The following STIM1 variants were observed in gnomAD, a reference collection of about 807,000 sequenced individuals.
The protein encoded by STIM1 is stromal interaction molecule 1.
STIM1 carries 25 observed loss-of-function variants against 74.7 expected under a neutral mutation model. The ratio of observed to expected loss-of-function variants is 0.33; its 90% CI spans 0.24 to 0.47. The LOEUF (loss-of-function observed/expected upper bound fraction) is 0.47, where lower values mean the gene tolerates loss of function less well. STIM1 is among the 20% of genes least tolerant of loss of function. The probability of loss-of-function intolerance (pLI) is 1.00; values close to 1 mark genes in which losing one functional copy is unlikely to be tolerated. For synonymous variants in STIM1, 328 were observed against 348.8 expected, an observed-to-expected ratio of 0.94 and a Z score of 0.66; for missense variants, 728 against 920.8, an observed-to-expected ratio of 0.79 and a Z score of 2.71.
At chr11:3,857,923 C>T (rs2090447932) in intron 1 of STIM1, among the ~76,000 whole-genome samples, 1 of 152,238 alleles carries the variant, frequency 6.6e-6, no homozygotes, top group East Asian at 1.9e-4. Context: ...ATCCTTTTTG[C>T]CTATTAATCC....
intron 2 of STIM1, among the ~76,000 whole-genome samples, chr11:3,971,428 C>T (rs1420497260): frequency 6.6e-6 from 1 of 152,110 alleles, no homozygotes; most frequent in Non-Finnish European, 1.5e-5. Context: ...ACTCTGGAGG[C>T]TGAGGCAGGA....
intron 2 of STIM1, among the ~76,000 whole-genome samples, chr11:4,022,632 G>A (rs2136013659): frequency 6.6e-6 from 1 of 152,234 alleles, no homozygotes; most frequent in East Asian, 1.9e-4. Flanking sequence ...ATTGTGTTGA[G>A]GTATATTCCT....
intron 1 of STIM1, among the ~76,000 whole-genome samples, chr11:3,955,975 A>C (rs895591215): frequency 6.6e-5 from 10 of 151,842 alleles, no homozygotes; most frequent in African/African-American, 4.8e-5. Flanking sequence ...CCCCATAAGC[A>C]GTATGCCCAG....
At chr11:3,870,659 G>A (rs960507420) in intron 1 of STIM1, among the ~76,000 whole-genome samples, 9 of 151,816 alleles carry the variant, frequency 5.9e-5, no homozygotes, top group African/African-American at 1.7e-4. Flanking sequence ...ACCATGCCTG[G>A]CTAGTTTTTA....
At chr11:3,936,312 C>T (rs565841475) in intron 1 of STIM1, among the ~76,000 whole-genome samples, 6 of 152,194 alleles carry the variant, frequency 3.9e-5, no homozygotes, top group Admixed American at 2.0e-4. Context: ...GCCATTGCCT[C>T]TCTTGTCCTA....
At chr11:3,998,746 C>G (rs1228747105) in intron 2 of STIM1, among the ~76,000 whole-genome samples, 1 of 152,024 alleles carries the variant, frequency 6.6e-6, no homozygotes, top group Non-Finnish European at 1.5e-5. Context: ...TGGGAGAGAT[C>G]TAGAAAACTT....
At chr11:3,921,479 A>G (rs1451438979) in intron 1 of STIM1, among the ~76,000 whole-genome samples, 2 of 152,202 alleles carry the variant, frequency 1.3e-5, no homozygotes, top group African/African-American at 4.8e-5. Context: ...GAACATCACC[A>G]TGATATATTA....
intron 2 of STIM1, among the ~76,000 whole-genome samples, chr11:4,015,159 A>G (rs891216800): frequency 6.6e-6 from 1 of 151,986 alleles, no homozygotes; most frequent in African/African-American, 2.4e-5. Context: ...GGTCTTTACA[A>G]TTTGGCATAT....
chr11:3,990,046 C>T (rs952430775), intron 2 of STIM1, among the ~76,000 whole-genome samples: 1 of 152,220 alleles, frequency 6.6e-6, no homozygotes, highest in African/African-American at 2.4e-5. Flanking sequence ...AGCTATTGTT[C>T]TCTCTCCACA....
At chr11:4,069,439 A>G (rs1020942276) in intron 5 of STIM1, among the ~76,000 whole-genome samples, 4 of 152,210 alleles carry the variant, frequency 2.6e-5, no homozygotes, top group Middle Eastern at 6.8e-3. Context: ...ATCCTGTTCT[A>G]GAGTCTCTGG....
At chr11:3,883,366 G>A (rs1030154646) in intron 1 of STIM1, among the ~76,000 whole-genome samples, 1 of 151,842 alleles carries the variant, frequency 6.6e-6, no homozygotes, top group African/African-American at 2.4e-5. Context: ...GTTTGTTTTT[G>A]TTTTTTGAGA....
At chr11:4,033,551 A>G (rs756877974) in intron 3 of STIM1, among the ~76,000 whole-genome samples, 5 of 150,750 alleles carry the variant, frequency 3.3e-5, no homozygotes, top group Non-Finnish European at 5.9e-5. Context: ...TTTCTAGTAC[A>G]GTGTTGAAGA....
chr11:3,972,658 A>G (rs2093407940), intron 2 of STIM1, among the ~76,000 whole-genome samples: 1 of 152,070 alleles, frequency 6.6e-6, no homozygotes, highest in Non-Finnish European at 1.5e-5. Flanking sequence ...GCCTATACAC[A>G]TTAATATTGT....
intron 2 of STIM1, among the ~76,000 whole-genome samples, chr11:4,014,106 T>C (rs2093871332): frequency 6.6e-6 from 1 of 152,180 alleles, no homozygotes; most frequent in African/African-American, 2.4e-5. Context: ...TGAATTTGTT[T>C]GCCATTTCTT....
chr11:3,899,932 A>G (rs997037655), intron 1 of STIM1, among the ~76,000 whole-genome samples: 2 of 151,970 alleles, frequency 1.3e-5, no homozygotes, highest in African/African-American at 4.8e-5. Flanking sequence ...TATTTTATTG[A>G]GGATTTTTGC....
rs766441391 is a variant in STIM1 at position 4,059,334 on chromosome 11, G to A, written c.551G>A (p.Arg184Gln). ...GGGACTGTGCTGAAGATGACAGACC[G>A]GAGTCATCGGCAGAAGCTGCAGCTG... is the stretch of plus-strand genomic sequence containing the variant. ...MTGTVLKMTD[R>Q]SHRQKLQLKA... The change falls in exon 5 of 13, where the codon CGG (arginine) becomes CAG (glutamine). Residue 184 changes from arginine (R) to glutamine (Q), a missense_variant. Arg to Gln is a conservative substitution (Grantham distance 43). Transcript: ENST00000526596. 4.3e-6 allele frequency: 7 copies of A among 1,613,976 alleles called. No individual in the cohort carries two copies. Among genetic ancestry groups the A allele is most frequent in the African/African-American group, 4.0e-5 (3 of 74,900 alleles).
At chr11:4,077,904 A>G (rs889979610) in intron 7 of STIM1, among the ~76,000 whole-genome samples, 5 of 152,112 alleles carry the variant, frequency 3.3e-5, no homozygotes, top group African/African-American at 1.2e-4. Context: ...CAGAATTTCT[A>G]TCTTTTATCT....
At chr11:3,950,433 G>T (rs564697120) in intron 1 of STIM1, among the ~76,000 whole-genome samples, 1 of 151,636 alleles carries the variant, frequency 6.6e-6, no homozygotes, top group South Asian at 2.1e-4. Context: ...TGCCTGGCTG[G>T]GCATTCCTTT....
chr11:3,977,883 T>A (rs1224529486), intron 2 of STIM1, among the ~76,000 whole-genome samples: 1 of 152,032 alleles, frequency 6.6e-6, no homozygotes, highest in East Asian at 1.9e-4. Flanking sequence ...AACATGAGGG[T>A]ACAATAGTGA....
Sources: gnomAD v4.1 joint callset for allele counts (sites outside exome capture counted in the v4.1 genomes callset) on GRCh38, gnomAD v4.1.1 for gene constraint, MANE v1.5 for transcripts, NCBI Gene and HGNC (gene_info 2026-07-23, HGNC 2026-07-21) for gene names.